DNM2: variants seen among roughly 807,000 people sequenced by gnomAD.
DNM2 encodes dynamin 2.
DNM2 carries 15 observed loss-of-function variants against 99.0 expected under a neutral mutation model. The ratio of observed to expected loss-of-function variants is 0.15; its 90% CI spans 0.10 to 0.23. The LOEUF is 0.23. DNM2 is among the 10% of genes least tolerant of loss of function. DNM2 has a pLI of 1.00. For missense variants in DNM2, 742 were observed against 1,189.4 expected (o/e 0.62, Z 5.53); for synonymous variants, 525 against 481.2 (o/e 1.09, Z -1.19).
At chr19:10,735,232 G>A (rs2069480350) in intron 1 of DNM2, among the ~76,000 whole-genome samples, 1 of 151,858 alleles carries the variant, frequency 6.6e-6, no homozygotes. Context: ...TTTAGACGGG[G>A]TTTCACCGTG....
intron 1 of DNM2, among the ~76,000 whole-genome samples, chr19:10,727,732 C>T (rs1244734034): frequency 6.6e-6 from 1 of 152,070 alleles, no homozygotes; most frequent in Non-Finnish European, 1.5e-5. Flanking sequence ...TGAATGGAAC[C>T]CTGTCTCGCT....
At chr19:10,771,712 G>A (rs2070986388) in intron 2 of DNM2, among the ~76,000 whole-genome samples, 1 of 152,086 alleles carries the variant, frequency 6.6e-6, no homozygotes, top group Admixed American at 6.6e-5. Context: ...TAATCAAATG[G>A]ACTCACCCTC....
chr19:10,822,837 G>T (rs61065347), intron 16 of DNM2, among the ~76,000 whole-genome samples: 149,970 of 149,982 alleles, frequency 1, 74,979 homozygotes, highest in Middle Eastern at 1. Context: ...CCGGGCACGG[G>T]GGCTCACGCC....
chr19:10,774,776 T>TTA (rs1304727264), intron 3 of DNM2, among the ~76,000 whole-genome samples: 316 of 146,142 alleles, frequency 2.2e-3, no homozygotes, highest in African/African-American at 7.7e-3. Context: ...TTATTATATA[T>TTA]TTATTTTTTT....
chr19:10,786,729 C>T (rs1188346575), intron 7 of DNM2, 23 bp downstream of exon 7: 1 of 1,610,920 alleles, frequency 6.2e-7, no homozygotes, highest in South Asian at 1.1e-5. Context: ...GCACCCACCA[C>T]CACCACCACC....
At chr19:10,815,505 A>G (rs191838809) in intron 15 of DNM2, among the ~76,000 whole-genome samples, 1 of 152,204 alleles carries the variant, frequency 6.6e-6, no homozygotes, top group Non-Finnish European at 1.5e-5. Flanking sequence ...TGAGCCCAGG[A>G]CTGTGCCTGG....
rs994028309 is a variant in DNM2 at position 10,816,230 on chromosome 19, A to G, written c.1672-3750A>G. On this transcript the variant is annotated intron_variant, in intron 15 of 20. Coordinates refer to ENST00000389253, the MANE Select transcript of DNM2 (RefSeq NM_001005361.3). This position sits in a 1 kb window ranked among gnomAD's most constrained non-coding sequence, Gnocchi z 4.6. ...ACACCTCCGCTGCAGCCCAGGCCTG[A>G]TGTCCCCTTGACTGAGGACATTGGG... 1.3e-5 allele frequency among the ~76,000 whole-genome samples: 2 copies of G among 151,966 alleles called. No homozygotes were observed. The highest frequency in any genetic ancestry group is 4.8e-5 in the African/African-American group (2 of 41,368).
chr19:10,803,983 T>C (rs1006360091), intron 12 of DNM2, among the ~76,000 whole-genome samples: 2 of 152,146 alleles, frequency 1.3e-5, no homozygotes, highest in Non-Finnish European at 1.5e-5. Context: ...TGGAGAGATC[T>C]TCCTGAAGAA....
At chr19:10,791,011 G>A (rs910032172) in intron 7 of DNM2, among the ~76,000 whole-genome samples, 4 of 152,176 alleles carry the variant, frequency 2.6e-5, no homozygotes, top group East Asian at 3.9e-4. Flanking sequence ...CAAGCAAACC[G>A]CCTGCCTGAA....
chr19:10,720,215 TA>T (rs1228516407), intron 1 of DNM2, among the ~76,000 whole-genome samples: 2 of 143,954 alleles, frequency 1.4e-5, no homozygotes, highest in African/African-American at 2.7e-5. Context: ...TTTATTTATT[TA>T]TTTTTTTTTT....
intron 14 of DNM2, 24 bp downstream of exon 14, chr19:10,808,604 G>C: frequency 6.2e-7 from 1 of 1,610,734 alleles, no homozygotes; most frequent in Non-Finnish European, 8.5e-7. Context: ...TAGTGTGGTA[G>C]CAAACATTAG....
intron 1 of DNM2, among the ~76,000 whole-genome samples, chr19:10,736,630 A>C (rs1008149418): frequency 2.6e-5 from 4 of 152,168 alleles, no homozygotes; most frequent in African/African-American, 9.7e-5. Context: ...TTGTTTAGAC[A>C]AAGTCTCTCT....
Position 10,772,639 on chromosome 19 carries a change from C to T in DNM2, c.385+11C>T, listed in dbSNP as rs771790837. 3.8e-5 allele frequency: 62 copies of T among 1,613,858 alleles called. No individual in the cohort carries two copies. The highest frequency in any genetic ancestry group is 8.9e-5 in the East Asian group (4 of 44,898). ...TCTACTCGCCACACGGTAGGCAGCACGGGTGGGGACCCATCACTGACCGTT... is the reference window on the plus strand; with the variant it reads ...TCTACTCGCCACACGGTAGGCAGCATGGGTGGGGACCCATCACTGACCGTT... On this transcript the variant is annotated intron_variant, in intron 3 of 20. Coordinates refer to ENST00000389253, the MANE Select transcript of DNM2 (RefSeq NM_001005361.3). The surrounding 1 kb of genome is among the most constrained non-coding windows in gnomAD (Gnocchi z 4.9).
In DNM2 at chr19:10,760,242, T is replaced by TG. The variant is rs1363778918; in HGVS notation, c.235+432dup. On this transcript the variant is annotated intron_variant, in intron 2 of 20. Coordinates refer to ENST00000389253, the MANE Select transcript of DNM2 (RefSeq NM_001005361.3). Reference sequence around the variant, plus strand: ...TTTTAGTAGAGACAGGGTTTCACCCTGTTGGCCAGGCTGGTCTTGAACTCC... The same window carrying TG: ...TTTTAGTAGAGACAGGGTTTCACCCTGGTTGGCCAGGCTGGTCTTGAACTCC... 4.0e-5 allele frequency among the ~76,000 whole-genome samples: 6 copies of TG among 151,346 alleles called. No homozygotes were observed. In the East Asian group the frequency reaches 1.2e-3, roughly 29 times the overall value.
At chr19:10,792,304 G>A (rs1361204413) in intron 7 of DNM2, among the ~76,000 whole-genome samples, 2 of 152,188 alleles carry the variant, frequency 1.3e-5, no homozygotes, top group Non-Finnish European at 2.9e-5. Flanking sequence ...GGCCCTGACA[G>A]TGGTCACCAT....
chr19:10,743,477 C>G (rs1049522514), intron 1 of DNM2, among the ~76,000 whole-genome samples: 1 of 151,006 alleles, frequency 6.6e-6, no homozygotes, highest in African/African-American at 2.4e-5. Context: ...GAGTTCGAGA[C>G]CAGCCTTGCA....
At chr19:10,768,105 C>G (rs952749650) in intron 2 of DNM2, among the ~76,000 whole-genome samples, 3 of 152,050 alleles carry the variant, frequency 2.0e-5, no homozygotes, top group Non-Finnish European at 4.4e-5. Flanking sequence ...TATCCTTCGC[C>G]CACATGGAGG....
intron 1 of DNM2, among the ~76,000 whole-genome samples, chr19:10,720,035 T>C (rs986564316): frequency 6.8e-6 from 1 of 147,724 alleles, no homozygotes; most frequent in Non-Finnish European, 1.5e-5. Context: ...GGCTGGACTG[T>C]GGTGTGGGCC....
chr19:10,738,810 C>T (rs1043660856), intron 1 of DNM2, among the ~76,000 whole-genome samples: 1 of 149,736 alleles, frequency 6.7e-6, no homozygotes, highest in East Asian at 2.0e-4. Flanking sequence ...GCAGAGGTTG[C>T]TGTGAGCTGA....
Sources: gnomAD v4.1 joint callset for allele counts (sites outside exome capture counted in the v4.1 genomes callset) on GRCh38, gnomAD v4.1.1 for gene constraint, Gnocchi (gnomAD v3.1) non-coding constraint, MANE v1.5 for transcripts, NCBI Gene and HGNC (gene_info 2026-07-23, HGNC 2026-07-21) for gene names.